The following SYMPK variants were observed in gnomAD, a reference collection of about 807,000 sequenced individuals.
SYMPK encodes symplekin scaffold protein.
SYMPK carries 49 observed loss-of-function variants against 136.4 expected under a neutral mutation model. That is an observed-to-expected ratio of 0.36 (90% CI 0.29 to 0.46). The LOEUF (loss-of-function observed/expected upper bound fraction) is 0.46, where lower values mean the gene tolerates loss of function less well. Among genes scored for constraint, SYMPK ranks in the 20% least tolerant of loss-of-function variants. The probability of loss-of-function intolerance (pLI) is 1.00; values close to 1 mark genes in which losing one functional copy is unlikely to be tolerated. For synonymous variants in SYMPK, 766 were observed against 713.0 expected, an observed-to-expected ratio of 1.07 and a Z score of -1.19; for missense variants, 1,365 against 1,690.0, an observed-to-expected ratio of 0.81 and a Z score of 3.37.
At chr19:45,817,417 CT>C (rs559430104) in intron 23 of SYMPK, among the ~76,000 whole-genome samples, 20 of 108,474 alleles carry the variant, frequency 1.8e-4, no homozygotes, top group East Asian at 5.9e-4. Flanking sequence ...TTTTTGTTCT[CT>C]TTTTTTTTTT....
Position 45,815,458 on chromosome 19 carries a change from A to T in SYMPK, c.*102T>A. On this transcript the variant is annotated 3_prime_UTR_variant, in exon 27 of 27. Transcript: ENST00000245934. Reference sequence around the variant, plus strand: ...TCTTTTCAGTAACTTGCCCAAGTTCACATCTTTTATTTCTTTTTAAGGCAA... The same window carrying T: ...TCTTTTCAGTAACTTGCCCAAGTTCTCATCTTTTATTTCTTTTTAAGGCAA... 2.6e-6 allele frequency: 3 copies of T among 1,162,528 alleles called. No individual in the cohort carries two copies. Among genetic ancestry groups the T allele is most frequent in the East Asian group, 5.6e-5 (2 of 35,904 alleles). The allele number at this position is 1,162,528 out of a possible 1,614,324, so 72.0% of individuals were successfully genotyped here.
rs201106907 is a variant in SYMPK, at chr19:45,816,137, G to A, written c.3401C>T (p.Pro1134Leu). Residue 1134 changes from proline to leucine, a missense_variant, in exon 26 of 27, where the codon CCC becomes CTC. This residue lies in a region of SYMPK where 341 missense variants were observed against 270.5 expected (regional missense o/e 1.26). Coordinates refer to ENST00000245934, the MANE Select transcript of SYMPK (RefSeq NM_004819.3). Reference sequence around the variant, plus strand: ...TCGCAGGCCGATGAGGTCCTGAGGGGGCCGGGGTGCTGGGGCCGGGGCCAA... The same window carrying A: ...TCGCAGGCCGATGAGGTCCTGAGGGAGCCGGGGTGCTGGGGCCGGGGCCAA... Reference protein sequence around the residue: ...LTLAPAPAPRPPQDLIGLRLA... With the variant: ...LTLAPAPAPRLPQDLIGLRLA... 6.6e-5 allele frequency: 103 copies of A among 1,549,294 alleles called. No individual in the cohort carries two copies. The highest frequency in any genetic ancestry group is 8.0e-5 in the Non-Finnish European group (91 of 1,144,346).
At position 45,823,414 on chromosome 19, in the gene SYMPK, T is replaced by C. The variant is rs200830151; in HGVS notation, c.2658A>G (p.Pro886=). 50 of 1,614,042 alleles carry C rather than the reference T, an allele frequency of 3.1e-5. No individual in the cohort carries two copies. In the East Asian group the frequency reaches 6.7e-4, roughly 22 times the overall value. Residue 886 remains proline, a synonymous_variant, in exon 20 of 27, where the codon CCA becomes CCG. Coordinates refer to ENST00000245934, the MANE Select transcript of SYMPK (RefSeq NM_004819.3). ...RVRDLYHKRL[P]DVRFLIPVLN... is the part of the protein sequence containing the mutation. ...GCACCGGGATGAGGAAGCGGACGTC[T>C]GGCAGTCGCTTGTGGTAGAGATCCC...
At chr19:45,818,405 C>A (rs1401955637) in intron 22 of SYMPK, among the ~76,000 whole-genome samples, 26 of 152,188 alleles carry the variant, frequency 1.7e-4, no homozygotes, top group Admixed American at 1.2e-3. Flanking sequence ...AACAGGGAAC[C>A]CGTGGCCCCT....
Position 45,838,699 on chromosome 19 carries a change from GCCTCTAGT to G in SYMPK, c.1088-92_1088-85del, listed in dbSNP as rs1971365103. On this transcript the variant is annotated intron_variant, in intron 9 of 26. Coordinates refer to ENST00000245934, the MANE Select transcript of SYMPK (RefSeq NM_004819.3). ...CTTCCGGGGTGCCCGGGTGGTCCCTGCCTCTAGTCAGCCTCAGCAAACAGGAGCAAACA... is the reference window on the plus strand; with the variant it reads ...CTTCCGGGGTGCCCGGGTGGTCCCTGCAGCCTCAGCAAACAGGAGCAAACA... 2.1e-6 allele frequency: 3 copies of G among 1,447,324 alleles called. No homozygotes were observed. In the African/African-American group the frequency reaches 4.2e-5, roughly 20 times the overall value. 89.7% of individuals were successfully genotyped at this position (1,447,324 alleles called of 1,614,324 possible). A position where few individuals can be genotyped will look rare whatever the true frequency, so the allele number is the denominator to read the frequency against.
intron 9 of SYMPK, among the ~76,000 whole-genome samples, chr19:45,838,880 G>A (rs1372117072): frequency 2.0e-5 from 3 of 152,186 alleles, no homozygotes; most frequent in African/African-American, 7.2e-5. Flanking sequence ...TAAGCTCTAA[G>A]AAGAGATTAT....
At chr19:45,852,596 G>A (rs1220240636) in intron 3 of SYMPK, 61 bp from the exon 4 acceptor site, 5 of 1,590,492 alleles carry the variant, frequency 3.1e-6, no homozygotes, top group Non-Finnish European at 4.3e-6. Flanking sequence ...GCCAATCAAT[G>A]CAGACAGGAG....
rs1409531027 is a variant in SYMPK at position 45,840,195 on chromosome 19, G to A, written c.1088-1580C>T. ...TCAGATATGATGGCGCGCACCAGTA[G>A]CCCCAGCTACTCGGGAGGCTGAGGA... On this transcript the variant is annotated intron_variant, in intron 9 of 26. Transcript: ENST00000245934. Among the ~76,000 whole-genome samples, 4 of 150,992 alleles carry A rather than the reference G, an allele frequency of 2.6e-5. No homozygotes were observed. In the Admixed American group the frequency reaches 2.7e-4, roughly 10 times the overall value.
chr19:45,839,546 T>A (rs547646703), intron 9 of SYMPK, among the ~76,000 whole-genome samples: 2 of 152,270 alleles, frequency 1.3e-5, no homozygotes, highest in South Asian at 4.1e-4. Context: ...CATCACTGGA[T>A]GTTAAAACCA....
rs1274207270 is a variant in SYMPK, at chr19:45,821,120, G to A, written c.2893+264C>T. 1 of 684,042 alleles carries A rather than the reference G, an allele frequency of 1.5e-6. No homozygotes were observed. 42.4% of individuals were successfully genotyped at this position (684,042 alleles called of 1,614,324 possible). ...CTGCTTTAGGCCCACTCTGTGCCAG[G>A]GCACAGCAGGTACATCAGAGGCAGA... On this transcript the variant is annotated intron_variant, in intron 22 of 26. Transcript: ENST00000245934. This position sits in a 1 kb window ranked among gnomAD's most constrained non-coding sequence, Gnocchi z 4.4.
chr19:45,824,543 G>A (rs1970993814), intron 18 of SYMPK, among the ~76,000 whole-genome samples: 2 of 152,198 alleles, frequency 1.3e-5, no homozygotes, highest in Admixed American at 1.3e-4. Flanking sequence ...AACCCAAATG[G>A]CAGATAGGTG....
Position 45,842,265 on chromosome 19 carries a change from T to C in SYMPK, c.1072A>G (p.Lys358Glu). 6.2e-7 allele frequency: 1 copy of C among 1,614,212 alleles called. No homozygotes were observed. The highest frequency in any genetic ancestry group is 1.6e-4 in the Middle Eastern group (1 of 6,062). The change falls in exon 9 of 27, where the codon AAG becomes GAG. Residue 358 changes from lysine (K) to glutamate (E), a missense_variant. By Grantham distance (56) the Lys-to-Glu change is moderately conservative. Coordinates refer to ENST00000245934, the MANE Select transcript of SYMPK (RefSeq NM_004819.3). ...CCCCTCTCACCCAGCTTCATCTTCT[T>C]GAGTGTGGAGTCCGAGTCATCGCGG... ...RPRDDSDSTL[K>E]KMKLEPNLGE...
Position 45,826,340 on chromosome 19 carries a change from T to C in SYMPK, c.2215A>G (p.Met739Val). ...RSQALLFIKR[M>V]YEKEQLREYV... is the part of the protein sequence containing the mutation. Reference sequence around the variant, plus strand: ...TCCCGCAGCTGCTCCTTCTCATACATGCGTTTGATGAACAGCAGGGCCTGG... The same window carrying C: ...TCCCGCAGCTGCTCCTTCTCATACACGCGTTTGATGAACAGCAGGGCCTGG... Residue 739 changes from methionine to valine, a missense_variant, in exon 17 of 27, where the codon ATG (methionine) becomes GTG (valine). Around this residue, in one of 11 missense-constraint regions of SYMPK, gnomAD observed 303 missense variants for 326.6 expected, o/e 0.93. Transcript: ENST00000245934. 6.2e-7 allele frequency: 1 copy of C among 1,614,106 alleles called. No homozygotes were observed. The highest frequency in any genetic ancestry group is 8.5e-7 in the Non-Finnish European group (1 of 1,180,006).
Position 45,825,347 on chromosome 19 carries a change from C to A in SYMPK, c.2330-16G>T. ...GCTGCCACCTCTGACAGGGCAGGAG[C>A]GGGCATCAGATTGGCCCACACTCTT... On this transcript the variant is annotated splice_polypyrimidine_tract_variant and intron_variant, in intron 17 of 26. Coordinates refer to ENST00000245934, the MANE Select transcript of SYMPK (RefSeq NM_004819.3). 1.2e-6 allele frequency: 2 copies of A among 1,610,982 alleles called. No homozygotes were observed. The highest frequency in any genetic ancestry group is 1.7e-6 in the Non-Finnish European group (2 of 1,178,404).
intron 1 of SYMPK, among the ~76,000 whole-genome samples, chr19:45,859,561 C>A (rs569184646): frequency 3.3e-5 from 5 of 152,106 alleles, no homozygotes; most frequent in African/African-American, 4.8e-5. Flanking sequence ...GATTGCGCCA[C>A]TGCACTCCAG....
intron 7 of SYMPK, among the ~76,000 whole-genome samples, chr19:45,846,099 G>C (rs1434332163): frequency 6.6e-6 from 1 of 152,202 alleles, no homozygotes; most frequent in Non-Finnish European, 1.5e-5. Flanking sequence ...AGCCGGGCGT[G>C]GTGGCGGGCA....
In SYMPK at chr19:45,852,481, C is replaced by T; in HGVS notation, c.225+1G>A. 1 of 1,614,212 alleles carries T rather than the reference C, an allele frequency of 6.2e-7. No homozygotes were observed. Reference sequence around the variant, plus strand: ...CCCTTTCTCTTCTGTCAGTCACTCACATCCAGGAAGTTGTCCAGTAGTGTG... The same window carrying T: ...CCCTTTCTCTTCTGTCAGTCACTCATATCCAGGAAGTTGTCCAGTAGTGTG... On this transcript the variant is annotated splice_donor_variant, in intron 4 of 26. Coordinates refer to ENST00000245934, the MANE Select transcript of SYMPK (RefSeq NM_004819.3). LOFTEE classifies it high-confidence loss of function.
intron 11 of SYMPK, among the ~76,000 whole-genome samples, chr19:45,834,525 G>A (rs375567112): frequency 0.14 from 21,595 of 151,436 alleles, 1,616 homozygotes; most frequent in South Asian, 0.18. Flanking sequence ...AGCTCATTAT[G>A]AGCTAAACAT....
chr19:45,861,394 A>T (rs901189022), intron 1 of SYMPK, among the ~76,000 whole-genome samples: 2 of 152,212 alleles, frequency 1.3e-5, no homozygotes, highest in Non-Finnish European at 1.5e-5. Context: ...AAAAGGAAAA[A>T]AAATGAAAAT....
Sources: allele counts gnomAD v4.1 joint callset (sites outside exome capture counted in the v4.1 genomes callset), GRCh38; gene constraint gnomAD v4.1.1; regional missense constraint gnomAD v4.1.1; non-coding constraint Gnocchi (gnomAD v3.1); transcripts MANE v1.5; gene names NCBI Gene and HGNC (gene_info 2026-07-23, HGNC 2026-07-21).